The following ARHGAP15 variants were observed in gnomAD, a reference collection of about 807,000 sequenced individuals.
ARHGAP15 encodes Rho GTPase activating protein 15.
In ARHGAP15, 51 loss-of-function variants were observed where a neutral mutation model predicts 63.7. The observed-to-expected ratio is 0.80, with a 90% CI of 0.64 to 1.01. The LOEUF is 1.01. Among genes scored for constraint, ARHGAP15 ranks in the 50% least tolerant of loss-of-function variants. The pLI is 0.00. For missense variants in ARHGAP15, 560 were observed against 564.6 expected (o/e 0.99, Z 0.08); for synonymous variants, 191 against 193.8 (o/e 0.99, Z 0.12).
At chr2:143,503,071 G>T (rs1693143691) in intron 9 of ARHGAP15, among the ~76,000 whole-genome samples, 1 of 152,344 alleles carries the variant, frequency 6.6e-6, no homozygotes, top group East Asian at 1.9e-4. Context: ...GACTCTGCTG[G>T]GGAAAGCGTT....
chr2:143,214,246 T>C (rs1418217795), intron 3 of ARHGAP15, among the ~76,000 whole-genome samples: 1 of 152,108 alleles, frequency 6.6e-6, no homozygotes, highest in Non-Finnish European at 1.5e-5. Flanking sequence ...TAAATCCAGG[T>C]TTTGGGTAAC....
At chr2:143,590,296 A>G (rs1697270925) in intron 11 of ARHGAP15, among the ~76,000 whole-genome samples, 1 of 152,200 alleles carries the variant, frequency 6.6e-6, no homozygotes, top group African/African-American at 2.4e-5. Context: ...AACACTTAGC[A>G]TACACTTTTG....
At chr2:143,143,016 T>A (rs1689433720) in intron 1 of ARHGAP15, among the ~76,000 whole-genome samples, 1 of 152,154 alleles carries the variant, frequency 6.6e-6, no homozygotes, top group Admixed American at 6.6e-5. Flanking sequence ...ATATTTCACT[T>A]TGTGAAGCAC....
At chr2:143,450,859 C>A (rs1252848265) in intron 8 of ARHGAP15, among the ~76,000 whole-genome samples, 1 of 151,924 alleles carries the variant, frequency 6.6e-6, no homozygotes, top group Non-Finnish European at 1.5e-5. Flanking sequence ...CTGTCTCCAT[C>A]TTTTTCTTGT....
intron 11 of ARHGAP15, among the ~76,000 whole-genome samples, chr2:143,584,558 G>A (rs1252145729): frequency 7.2e-5 from 11 of 152,128 alleles, no homozygotes; most frequent in South Asian, 2.1e-4. Context: ...CCCAGGAGGC[G>A]GAGGTTGCAG....
intron 11 of ARHGAP15, among the ~76,000 whole-genome samples, chr2:143,602,363 A>G (rs1697806960): frequency 6.6e-6 from 1 of 152,302 alleles, no homozygotes; most frequent in East Asian, 1.9e-4. Context: ...AGGATTAAAC[A>G]TATCTCAGAG....
In ARHGAP15 at chr2:143,318,539, A is replaced by G. The variant is rs1408272653; in HGVS notation, c.474+67939A>G. Among the ~76,000 whole-genome samples the G allele has an allele frequency of 4.7e-5, 5 of 105,814 alleles. No individual in the cohort carries two copies. The Admixed American group carries it at 4.9e-4, about 10-fold the overall frequency. The allele number at this position is 105,814 out of a possible 152,430, so 69.4% of individuals were successfully genotyped here. A position where few individuals can be genotyped will look rare whatever the true frequency, so the allele number is the denominator to read the frequency against. ...TTTTTTTTTTTTTTTTTTTTTTCGA[A>G]CAGTCAATACAAGAGACAAGAATCT... On this transcript the variant is annotated intron_variant, in intron 6 of 13. Transcript: ENST00000295095.
chr2:143,470,081 T>G (rs1003074326), intron 8 of ARHGAP15, among the ~76,000 whole-genome samples: 2 of 152,146 alleles, frequency 1.3e-5, no homozygotes, highest in African/African-American at 2.4e-5. Flanking sequence ...TCCTTTGTCT[T>G]CCATTCACCT....
At chr2:143,461,856 T>C (rs1241769343) in intron 8 of ARHGAP15, among the ~76,000 whole-genome samples, 2 of 152,136 alleles carry the variant, frequency 1.3e-5, no homozygotes, top group Non-Finnish European at 2.9e-5. Context: ...TCCAATAGGA[T>C]TGGAGGTTCA....
chr2:143,213,627 A>G (rs546175725), intron 3 of ARHGAP15, among the ~76,000 whole-genome samples: 18 of 152,344 alleles, frequency 1.2e-4, no homozygotes, highest in Non-Finnish European at 2.1e-4. Context: ...CTGCATGTAA[A>G]CATTTAACAA....
chr2:143,318,175 A>AT (rs796712788), intron 6 of ARHGAP15, among the ~76,000 whole-genome samples: 2,506 of 142,848 alleles, frequency 0.018, 61 homozygotes, highest in African/African-American at 0.053. Context: ...ATATTTTTGT[A>AT]TTTTTTTTTT....
chr2:143,557,199 C>T (rs146610596), intron 11 of ARHGAP15, among the ~76,000 whole-genome samples: 38 of 152,180 alleles, frequency 2.5e-4, no homozygotes, highest in East Asian at 1.9e-3. Flanking sequence ...CAAATATTTA[C>T]GGCAGCTTTT....
chr2:143,724,260 A>C (rs149614110), intron 13 of ARHGAP15, among the ~76,000 whole-genome samples: 74 of 152,326 alleles, frequency 4.9e-4, no homozygotes, highest in African/African-American at 1.7e-3. Context: ...TATGACTCTA[A>C]CCGTGTCACC....
chr2:143,622,786 A>T lies in ARHGAP15; in HGVS notation c.1004-1347A>T, dbSNP rs897497260. The stretch of plus-strand genomic sequence containing the variant: ...GAAACGATCGTTCATTTATTTAAAA[A>T]AAAAAAAAAAAAAAAAAAAAAGAAC... On this transcript the variant is annotated intron_variant, in intron 11 of 13. Transcript: ENST00000295095. Among the ~76,000 whole-genome samples, 158 of 60,960 alleles carry T rather than the reference A, an allele frequency of 2.6e-3. 1 individual carries two copies. The Middle Eastern group carries it at 0.04, about 16-fold the overall frequency. The allele number at this position is 60,960 out of a possible 152,430, so 40.0% of individuals were successfully genotyped here. A position where few individuals can be genotyped will look rare whatever the true frequency, so the allele number is the denominator to read the frequency against.
At chr2:143,566,828 A>T (rs1383947756) in intron 11 of ARHGAP15, among the ~76,000 whole-genome samples, 1 of 150,492 alleles carries the variant, frequency 6.6e-6, no homozygotes, top group East Asian at 2.0e-4. Context: ...CCCAGCCACT[A>T]CCTTTCCCAG....
At chr2:143,497,464 A>G (rs984445260) in intron 9 of ARHGAP15, among the ~76,000 whole-genome samples, 9 of 152,204 alleles carry the variant, frequency 5.9e-5, no homozygotes, top group African/African-American at 2.4e-5. Context: ...TTTAAAGGTT[A>G]GCATTTATTA....
intron 9 of ARHGAP15, among the ~76,000 whole-genome samples, chr2:143,509,797 C>T (rs941745384): frequency 5.3e-5 from 8 of 151,940 alleles, no homozygotes; most frequent in African/African-American, 9.7e-5. Flanking sequence ...CCGAGGCAGG[C>T]GGATCACGAG....
chr2:143,322,134 C>T (rs1174883009), intron 6 of ARHGAP15, among the ~76,000 whole-genome samples: 1 of 152,122 alleles, frequency 6.6e-6, no homozygotes, highest in Non-Finnish European at 1.5e-5. Flanking sequence ...TGGAACAGTT[C>T]CAATGAGGCC....
At chr2:143,454,153 C>G (rs994535826) in intron 8 of ARHGAP15, among the ~76,000 whole-genome samples, 1 of 151,906 alleles carries the variant, frequency 6.6e-6, no homozygotes, top group Admixed American at 6.6e-5. Context: ...CCTGAGGACT[C>G]GTATCTGTAG....
Sources: gnomAD v4.1 joint callset for allele counts (sites outside exome capture counted in the v4.1 genomes callset) on GRCh38, gnomAD v4.1.1 for gene constraint, MANE v1.5 for transcripts, NCBI Gene and HGNC (gene_info 2026-07-23, HGNC 2026-07-21) for gene names.